Variants in SORCS3 observed in about 807,000 individuals in gnomAD.
SORCS3 encodes VPS10 domain-containing receptor SorCS3.
A neutral mutation model predicts 146.3 loss-of-function variants in SORCS3; 57 were observed. The ratio of observed to expected loss-of-function variants is 0.39; its 90% CI spans 0.31 to 0.49. The LOEUF (loss-of-function observed/expected upper bound fraction) is 0.49, where lower values mean the gene tolerates loss of function less well. Ranked by LOEUF, SORCS3 falls within the 20% of genes least tolerant of loss-of-function variation. The pLI is 0.92. For missense variants in SORCS3, 1,341 were observed against 1,575.5 expected, an observed-to-expected ratio of 0.85 and a Z score of 2.52; for synonymous variants, 653 against 618.5, an observed-to-expected ratio of 1.06 and a Z score of -0.83.
At chr10:104,745,467 G>A (rs1056546629) in intron 1 of SORCS3, among the ~76,000 whole-genome samples, 13 of 152,164 alleles carry the variant, frequency 8.5e-5, no homozygotes, top group African/African-American at 3.1e-4. Context: ...TTAATGACAA[G>A]TTAGGAAATA....
Position 105,200,095 on chromosome 10 carries a change from G to T in SORCS3, c.2106G>T (p.Gln702His). Reference protein sequence around the residue: ...FSRHCTKEDYQTWHLLNQGEP... With the variant: ...FSRHCTKEDYHTWHLLNQGEP... ...GGCATTGCACCAAGGAGGACTATCA[G>T]ACCTGGCACCTGCTCAATCAGGTAC... Residue 702 changes from glutamine (Q) to histidine (H), a missense_variant, in exon 15 of 27, where the codon CAG (glutamine) becomes CAT (histidine). Physicochemically the swap from Gln to His is conservative, Grantham distance 24. Coordinates refer to ENST00000369701, the MANE Select transcript of SORCS3 (RefSeq NM_014978.3). 1 of 1,613,430 alleles carries T rather than the reference G, an allele frequency of 6.2e-7. No individual in the cohort carries two copies. The highest frequency in any genetic ancestry group is 8.5e-7 in the Non-Finnish European group (1 of 1,179,514).
chr10:104,907,433 TAAAG>T (rs1408443464), intron 2 of SORCS3, among the ~76,000 whole-genome samples: 1 of 152,084 alleles, frequency 6.6e-6, no homozygotes, highest in Middle Eastern at 3.2e-3. Flanking sequence ...TCACACCAAA[TAAAG>T]AAAGGAAAAG....
At chr10:104,768,725 G>C (rs2017211568) in intron 1 of SORCS3, among the ~76,000 whole-genome samples, 1 of 152,196 alleles carries the variant, frequency 6.6e-6, no homozygotes, top group African/African-American at 2.4e-5. Context: ...TCACAAGTCA[G>C]AGGTTACCCC....
intron 20 of SORCS3, among the ~76,000 whole-genome samples, chr10:105,243,601 C>G (rs1036537156): frequency 6.6e-6 from 1 of 152,176 alleles, no homozygotes; most frequent in Non-Finnish European, 1.5e-5. Flanking sequence ...TGTCATCACC[C>G]AGTCATAAGT....
intron 1 of SORCS3, among the ~76,000 whole-genome samples, chr10:104,811,061 C>T (rs1451324106): frequency 6.6e-6 from 1 of 151,950 alleles, no homozygotes; most frequent in Non-Finnish European, 1.5e-5. Context: ...ACTTAAAATC[C>T]AGGGAAAGAG....
intron 3 of SORCS3, among the ~76,000 whole-genome samples, chr10:104,965,134 T>G (rs2054819140): frequency 6.6e-6 from 1 of 152,228 alleles, no homozygotes; most frequent in Non-Finnish European, 1.5e-5. Flanking sequence ...TTGGGTTGCT[T>G]TCACCTTTTG....
chr10:104,892,197 TATA>T (rs2018755772), intron 2 of SORCS3, among the ~76,000 whole-genome samples: 1 of 152,214 alleles, frequency 6.6e-6, no homozygotes, highest in Non-Finnish European at 1.5e-5. Flanking sequence ...AGATTGTAAG[TATA>T]CTAATAACTT....
At chr10:105,263,199 C>A in intron 26 of SORCS3, 111 bp from the exon 27 acceptor site, 3 of 935,442 alleles carry the variant, frequency 3.2e-6, no homozygotes, top group Admixed American at 2.5e-5. Flanking sequence ...TAAATAAATT[C>A]CTATTAAGCA....
At chr10:104,974,324 G>T (rs1024557180) in intron 3 of SORCS3, among the ~76,000 whole-genome samples, 20 of 152,078 alleles carry the variant, frequency 1.3e-4, no homozygotes, top group African/African-American at 4.6e-4. Flanking sequence ...TATTGTGTGG[G>T]AGTCTAAGTC....
At chr10:105,096,121 C>CACACACACAG (rs1203857902) in intron 6 of SORCS3, among the ~76,000 whole-genome samples, 1 of 150,844 alleles carries the variant, frequency 6.6e-6, no homozygotes, top group Non-Finnish European at 1.5e-5. Context: ...CACACACACA[C>CACACACACAG]ACACACACAC....
rs143270736 is a variant in SORCS3 at position 105,011,567 on chromosome 10, C to T, written c.955-31488C>T. ...TAAACGCAGTTATTTATCTTAATTG[C>T]GTGGCTCCTATTGCTGATTCCAGTA... On this transcript the variant is annotated intron_variant, in intron 4 of 26. Transcript: ENST00000369701. 3.1e-3 allele frequency among the ~76,000 whole-genome samples: 466 copies of T among 152,200 alleles called. 1 individual carries two copies. Among genetic ancestry groups the T allele is most frequent in the Non-Finnish European group, 5.4e-3 (365 of 68,016 alleles).
At chr10:104,772,911 A>G (rs2017268218) in intron 1 of SORCS3, among the ~76,000 whole-genome samples, 2 of 152,228 alleles carry the variant, frequency 1.3e-5, no homozygotes, top group Admixed American at 6.5e-5. Flanking sequence ...ACAGAGATGA[A>G]CTAGACCTGA....
At chr10:105,177,650 G>A (rs1252232823) in intron 13 of SORCS3, among the ~76,000 whole-genome samples, 2 of 152,074 alleles carry the variant, frequency 1.3e-5, no homozygotes, top group African/African-American at 2.4e-5. Flanking sequence ...CTGTTTGTAA[G>A]GTTTGATCTG....
chr10:104,972,739 G>C (rs1290302339), intron 3 of SORCS3, among the ~76,000 whole-genome samples: 1 of 152,130 alleles, frequency 6.6e-6, no homozygotes, highest in Admixed American at 6.6e-5. Context: ...ATGTTGAATA[G>C]GAGTGTTGAG....
intron 26 of SORCS3, 81 bp downstream of exon 26, chr10:105,262,572 C>A: frequency 7.0e-7 from 1 of 1,430,566 alleles, no homozygotes; most frequent in Non-Finnish European, 9.5e-7. Context: ...CCATACATTA[C>A]TGGACTGGAG....
chr10:104,914,316 T>C (rs569700711), intron 2 of SORCS3, among the ~76,000 whole-genome samples: 1 of 152,278 alleles, frequency 6.6e-6, no homozygotes, highest in African/African-American at 2.4e-5. Context: ...AGAAGAGGCA[T>C]GTACAGTGTG....
chr10:105,189,838 A>G (rs1451902373), intron 14 of SORCS3, among the ~76,000 whole-genome samples: 2 of 152,182 alleles, frequency 1.3e-5, no homozygotes, highest in East Asian at 3.9e-4. Context: ...GTTCTTTTGT[A>G]TGCCTCAGGG....
intron 3 of SORCS3, among the ~76,000 whole-genome samples, chr10:104,968,620 C>CA (rs1337568096): frequency 2.6e-5 from 4 of 152,150 alleles, no homozygotes; most frequent in Non-Finnish European, 5.9e-5. Context: ...ATGAACAAAA[C>CA]AAAATTAAAA....
At chr10:105,250,415 AT>A (rs773336175) in intron 22 of SORCS3, among the ~76,000 whole-genome samples, 1 of 152,178 alleles carries the variant, frequency 6.6e-6, no homozygotes, top group African/African-American at 2.4e-5. Context: ...TGCAATAATA[AT>A]AATCAGTCCT....
Sources: gnomAD v4.1 joint callset for allele counts (sites outside exome capture counted in the v4.1 genomes callset) on GRCh38, gnomAD v4.1.1 for gene constraint, MANE v1.5 for transcripts, NCBI Gene and HGNC (gene_info 2026-07-23, HGNC 2026-07-21) for gene names.